The following EVC2 variants were observed in gnomAD, a reference collection of about 807,000 sequenced individuals.
EVC2 encodes limbin.
EVC2 carries 148 observed loss-of-function variants against 149.3 expected under a neutral mutation model. The observed-to-expected ratio is 0.99, with a 90% CI of 0.87 to 1.14. The LOEUF (loss-of-function observed/expected upper bound fraction) is 1.14. Ranked by LOEUF, EVC2 falls within the 50% of genes most tolerant of loss-of-function variation. The pLI is 0.00. For missense variants in EVC2, 1,854 were observed against 1,627.3 expected (o/e 1.14, Z -2.40); for synonymous variants, 776 against 649.9 (o/e 1.19, Z -2.95).
At chr4:5,598,881 A>C (rs1324513633) in intron 16 of EVC2, among the ~76,000 whole-genome samples, 1 of 152,204 alleles carries the variant, frequency 6.6e-6, no homozygotes, top group African/African-American at 2.4e-5. Flanking sequence ...AAGAAAAAAA[A>C]CAAACAACCC....
intron 21 of EVC2, among the ~76,000 whole-genome samples, chr4:5,549,529 T>C (rs1447142171): frequency 2.6e-5 from 4 of 152,216 alleles, no homozygotes; most frequent in Admixed American, 6.5e-5. Context: ...GTGCTCATCA[T>C]TGGACATTTA....
At chr4:5,620,202 C>T (rs1715587850) in intron 14 of EVC2, among the ~76,000 whole-genome samples, 1 of 152,198 alleles carries the variant, frequency 6.6e-6, no homozygotes, top group Admixed American at 6.5e-5. Context: ...CCCCCTTGCA[C>T]CTTCCCTTGT....
intron 1 of EVC2, among the ~76,000 whole-genome samples, chr4:5,699,320 T>C (rs969156763): frequency 1.3e-5 from 2 of 152,194 alleles, no homozygotes; most frequent in South Asian, 2.1e-4. Flanking sequence ...GCTTATGTTA[T>C]GTTATGGGCA....
chr4:5,638,057 C>T (rs947752240), intron 10 of EVC2, among the ~76,000 whole-genome samples: 12 of 152,046 alleles, frequency 7.9e-5, no homozygotes, highest in East Asian at 7.7e-4. Flanking sequence ...AAGGTACTGT[C>T]GAAGCCTCCC....
At chr4:5,644,984 C>T (rs567540494) in intron 9 of EVC2, among the ~76,000 whole-genome samples, 1 of 152,322 alleles carries the variant, frequency 6.6e-6, no homozygotes, top group East Asian at 1.9e-4. Context: ...CTGTGATAAA[C>T]ATGAGAATGC....
chr4:5,657,668 G>C lies in EVC2; in HGVS notation c.1145+5439C>G, dbSNP rs929636978. ...GCACTGGGGATGAATCAGCAAGCAA[G>C]ACAGAAGGTCCCTGCACTCACATAA... On this transcript the variant is annotated intron_variant, in intron 9 of 21. Transcript: ENST00000344408. This position sits in a 1 kb window ranked among gnomAD's most constrained non-coding sequence, Gnocchi z 4.7. 2.1e-5 allele frequency among the ~76,000 whole-genome samples: 3 copies of C among 145,378 alleles called. No individual in the cohort carries two copies. In the Admixed American group the frequency reaches 2.3e-4, roughly 11 times the overall value.
chr4:5,574,633 G>A (rs1403917700), intron 19 of EVC2, 52 bp downstream of exon 19: 1 of 1,547,806 alleles, frequency 6.5e-7, no homozygotes, highest in Non-Finnish European at 8.9e-7. Context: ...AGAAAAAGAT[G>A]AAGTGACGTG....
chr4:5,650,632 TATATATAGAGAG>T lies in EVC2; in HGVS notation c.1146-9806_1146-9795del, dbSNP rs1179277855. On this transcript the variant is annotated intron_variant, in intron 9 of 21. Coordinates refer to ENST00000344408, the MANE Select transcript of EVC2 (RefSeq NM_147127.5). ...ATATATATATATATATATATATATA[TATATATAGAGAG>T]AGAGAGAGAGAGAGAGAGAGAGAGA... Among the ~76,000 whole-genome samples, 250 of 61,468 alleles carry T rather than the reference TATATATAGAGAG, an allele frequency of 4.1e-3. 2 individuals are homozygous for T. The highest frequency in any genetic ancestry group is 7.3e-3 in the African/African-American group (126 of 17,366). 40.3% of individuals were successfully genotyped at this position (61,468 alleles called of 152,430 possible).
At chr4:5,681,213 A>G (rs761317545) in intron 7 of EVC2, 47 bp downstream of exon 7, 37 of 1,604,618 alleles carry the variant, frequency 2.3e-5, no homozygotes, top group Non-Finnish European at 2.8e-5. Context: ...GGACCCACAC[A>G]GCACAGGTGT....
intron 9 of EVC2, among the ~76,000 whole-genome samples, chr4:5,662,329 A>T (rs1393837035): frequency 1.3e-5 from 2 of 151,888 alleles, no homozygotes; most frequent in Non-Finnish European, 2.9e-5. Context: ...TAATCTGTAC[A>T]ACAAACCCCC....
Position 5,640,682 on chromosome 4 carries a change from C to CT in EVC2, c.1301dup (p.Gln435AlafsTer8), listed in dbSNP as rs1560187790. 6.2e-7 allele frequency: 1 copy of CT among 1,614,124 alleles called. No individual in the cohort carries two copies. The highest frequency in any genetic ancestry group is 2.2e-5 in the East Asian group (1 of 44,858). ...TTTCATTTTCCAGCAATAGAAACTG[C>CT]TTTTTGAAAACAGCACTCATTTTTC... On this transcript the variant is annotated frameshift_variant, in exon 10 of 22. Transcript: ENST00000344408. LOFTEE classifies it high-confidence loss of function. The surrounding 1 kb of genome is among the most constrained non-coding windows in gnomAD (Gnocchi z 4.6).
At chr4:5,687,041 G>A (rs1336243447) in intron 5 of EVC2, among the ~76,000 whole-genome samples, 1 of 152,050 alleles carries the variant, frequency 6.6e-6, no homozygotes, top group African/African-American at 2.4e-5. Context: ...TGGATCACCT[G>A]AGGTCAGGAG....
rs1191013607 is a variant in EVC2 at position 5,708,293 on chromosome 4, C to T, written c.221G>A (p.Ser74Asn). The T allele has an allele frequency of 5.2e-5, 77 of 1,476,196 alleles. No homozygotes were observed. Among genetic ancestry groups the T allele is most frequent in the Non-Finnish European group, 6.0e-5 (67 of 1,118,366 alleles). 91.4% of individuals were successfully genotyped at this position (1,476,196 alleles called of 1,614,324 possible). Residue 74 changes from serine (S) to asparagine (N), a missense_variant, in exon 1 of 22, where the codon AGC becomes AAC. By Grantham distance (46) the Ser-to-Asn change is conservative (BLOSUM62 1). Coordinates refer to ENST00000344408, the MANE Select transcript of EVC2 (RefSeq NM_147127.5). ...GGGTCGGGCCCTCCTTACCTGCGTG[C>T]TGCTCTCGGGCCCCGCCCCGCTCCG... ...PGRSGAGPES[S>N]TQDLPCMIWP...
chr4:5,692,145 G>A (rs963779737), intron 3 of EVC2, among the ~76,000 whole-genome samples: 2 of 152,152 alleles, frequency 1.3e-5, no homozygotes, highest in Admixed American at 1.3e-4. Context: ...ACGGACTCTG[G>A]CAGCTCTCAG....
chr4:5,576,454 C>T lies in EVC2; in HGVS notation c.3058G>A (p.Glu1020Lys), dbSNP rs1476518508. The change falls in exon 18 of 22, where the codon GAG (glutamate) becomes AAG (lysine). Residue 1020 changes from glutamate to lysine, a missense_variant and splice_region_variant. Glu to Lys is a moderately conservative substitution (Grantham distance 56). Coordinates refer to ENST00000344408, the MANE Select transcript of EVC2 (RefSeq NM_147127.5). The surrounding 1 kb of genome is among the most constrained non-coding windows in gnomAD (Gnocchi z 4.5). ...CTQILESHSR[E>K]LQELERKLED... The stretch of plus-strand genomic sequence containing the variant: ...AGCTTCCTCTCCAACTCCTGGAGCT[C>T]CTACACAAGGAAGGGGCAGAGGGTA... 2 of 1,589,780 alleles carry T rather than the reference C, an allele frequency of 1.3e-6. No individual in the cohort carries two copies. Among genetic ancestry groups the T allele is most frequent in the South Asian group, 2.3e-5 (2 of 88,744 alleles).
In EVC2 at chr4:5,685,484, G is replaced by A. The variant is rs781300676; in HGVS notation, c.707-5C>T. ...TGACAGCAAAGGCATCTCCCACTGC[G>A]CAGAGAAAAGCACATGTGACTCAGG... On this transcript the variant is annotated splice_region_variant and splice_polypyrimidine_tract_variant and intron_variant, in intron 5 of 21. Coordinates refer to ENST00000344408, the MANE Select transcript of EVC2 (RefSeq NM_147127.5). The A allele has an allele frequency of 1.9e-5, 30 of 1,613,330 alleles. No individual in the cohort carries two copies. The highest frequency in any genetic ancestry group is 1.3e-4 in the East Asian group (6 of 44,888).
chr4:5,578,341 G>T (rs1453872739), intron 17 of EVC2, among the ~76,000 whole-genome samples: 2 of 152,166 alleles, frequency 1.3e-5, no homozygotes, highest in Non-Finnish European at 2.9e-5. Context: ...TTTACTGAAT[G>T]CCAATATGGT....
intron 8 of EVC2, among the ~76,000 whole-genome samples, chr4:5,664,323 TAAAG>T (rs1719111482): frequency 6.6e-6 from 1 of 152,066 alleles, no homozygotes; most frequent in Non-Finnish European, 1.5e-5. Context: ...GGCAAAAAAA[TAAAG>T]AAAAATGTGA....
intron 16 of EVC2, among the ~76,000 whole-genome samples, chr4:5,608,295 A>C (rs1441240024): frequency 6.6e-6 from 1 of 152,212 alleles, no homozygotes; most frequent in Non-Finnish European, 1.5e-5. Context: ...CTCTGGGGAC[A>C]CCACATGGCC....
Sources: gnomAD v4.1 joint callset for allele counts (sites outside exome capture counted in the v4.1 genomes callset) on GRCh38, gnomAD v4.1.1 for gene constraint, Gnocchi (gnomAD v3.1) non-coding constraint, MANE v1.5 for transcripts, NCBI Gene and HGNC (gene_info 2026-07-23, HGNC 2026-07-21) for gene names.